The following TENT2 variants were observed in gnomAD, a reference collection of about 807,000 sequenced individuals.
TENT2 encodes poly(A) RNA polymerase GLD2.
In TENT2, 44 loss-of-function variants were observed where a neutral mutation model predicts 72.2. That is an observed-to-expected ratio of 0.61 (90% confidence interval 0.48 to 0.78). The LOEUF (loss-of-function observed/expected upper bound fraction) is 0.78, where lower values mean the gene tolerates loss of function less well. TENT2 is among the 30% of genes least tolerant of loss of function. The pLI, the probability that TENT2 is intolerant of heterozygous loss-of-function variation, is 0.00. For synonymous variants in TENT2, 212 were observed against 192.5 expected (o/e 1.10, Z -0.84); for missense variants, 541 against 569.6 (o/e 0.95, Z 0.51).
Position 79,682,048 on chromosome 5 carries a change from A to G in TENT2, c.1367A>G (p.Asp456Gly). ...HEKQKFDMIK[D>G]QFLKSWHRLK... Reference sequence around the variant, plus strand: ...AAGCAGAAATTTGATATGATCAAGGATCAATTTTTAAAGGTAAACAATGCA... The same window carrying G: ...AAGCAGAAATTTGATATGATCAAGGGTCAATTTTTAAAGGTAAACAATGCA... Residue 456 changes from aspartate to glycine, a missense_variant, in exon 14 of 15, where the codon GAT (aspartate) becomes GGT (glycine). By Grantham distance (94) the Asp-to-Gly change is moderately conservative. Coordinates refer to ENST00000453514, the MANE Select transcript of TENT2 (RefSeq NM_001114394.3). 6.2e-7 allele frequency: 1 copy of G among 1,612,452 alleles called. No individual in the cohort carries two copies. Among genetic ancestry groups the G allele is most frequent in the South Asian group, 1.1e-5 (1 of 90,836 alleles).
intron 4 of TENT2, among the ~76,000 whole-genome samples, chr5:79,640,096 A>C (rs1220845193): frequency 6.6e-6 from 1 of 152,104 alleles, no homozygotes; most frequent in Non-Finnish European, 1.5e-5. Flanking sequence ...GTCTCTACAA[A>C]GATTGAAAAA....
intron 4 of TENT2, among the ~76,000 whole-genome samples, chr5:79,629,048 C>A (rs1209071028): frequency 3.3e-5 from 5 of 152,094 alleles, no homozygotes; most frequent in Non-Finnish European, 7.3e-5. Context: ...AAAGGAAATA[C>A]ACCAGCACAG....
chr5:79,626,384 T>C (rs1319476439), intron 4 of TENT2, among the ~76,000 whole-genome samples: 1 of 150,646 alleles, frequency 6.6e-6, no homozygotes, highest in East Asian at 2.0e-4. Flanking sequence ...CTCGGCTCAC[T>C]GCAAGCTCTG....
At chr5:79,664,172 GA>G (rs1805362867) in intron 11 of TENT2, among the ~76,000 whole-genome samples, 1 of 152,090 alleles carries the variant, frequency 6.6e-6, no homozygotes, top group Non-Finnish European at 1.5e-5. Flanking sequence ...TGGAGCCCTG[GA>G]ACCAGTTGCC....
In TENT2 at chr5:79,679,693, CGT is replaced by C. The variant is rs569591068; in HGVS notation, c.1300+24_1300+25del. 103 of 1,375,102 alleles carry C rather than the reference CGT, an allele frequency of 7.5e-5. 1 individual carries two copies. In the South Asian group the frequency reaches 1.5e-3, roughly 19 times the overall value. 85.2% of individuals were successfully genotyped at this position (1,375,102 alleles called of 1,614,324 possible). A position where few individuals can be genotyped will look rare whatever the true frequency, so the allele number is the denominator to read the frequency against. ...AAGGTAGTTTTCTGTTTACCATCTA[CGT>C]ATCATCATGGTACTAAGAGAATTAC... On this transcript the variant is annotated intron_variant, in intron 13 of 14. Transcript: ENST00000453514.
chr5:79,647,876 T>A (rs558569165), intron 8 of TENT2, among the ~76,000 whole-genome samples: 26 of 152,278 alleles, frequency 1.7e-4, no homozygotes, highest in Non-Finnish European at 2.2e-4. Context: ...AAGTAATCAT[T>A]ATGTGTTTGA....
At chr5:79,645,875 T>C (rs1788487924) in intron 8 of TENT2, among the ~76,000 whole-genome samples, 1 of 152,138 alleles carries the variant, frequency 6.6e-6, no homozygotes, top group Non-Finnish European at 1.5e-5. Context: ...TTGATCCTTA[T>C]CATTCATAGT....
intron 10 of TENT2, among the ~76,000 whole-genome samples, chr5:79,652,874 T>C (rs1795219298): frequency 6.6e-6 from 1 of 152,014 alleles, no homozygotes; most frequent in South Asian, 2.1e-4. Flanking sequence ...TATGTTCAGG[T>C]GAACTCTTAA....
intron 10 of TENT2, among the ~76,000 whole-genome samples, chr5:79,649,499 A>G (rs1398129884): frequency 6.6e-6 from 1 of 151,638 alleles, no homozygotes; most frequent in Admixed American, 6.6e-5. Flanking sequence ...CAAAAGGCCT[A>G]TAAAAGTTAG....
intron 1 of TENT2, chr5:79,615,210 A>G (rs139962750): frequency 3.3e-5 from 5 of 152,336 alleles, no homozygotes; most frequent in Non-Finnish European, 5.9e-5. Flanking sequence ...TTGGTAGAGT[A>G]GTTCTGAGCC....
chr5:79,646,836 A>C (rs1182538757), intron 8 of TENT2, among the ~76,000 whole-genome samples: 1 of 150,528 alleles, frequency 6.6e-6, no homozygotes, highest in Non-Finnish European at 1.5e-5. Context: ...TGGCATGATC[A>C]TAGCTCACTG....
At chr5:79,655,033 C>T (rs924665702) in intron 10 of TENT2, among the ~76,000 whole-genome samples, 2 of 151,888 alleles carry the variant, frequency 1.3e-5, no homozygotes, top group Non-Finnish European at 2.9e-5. Flanking sequence ...TTTACTTTGC[C>T]TTTGAGAGAG....
chr5:79,627,885 A>G (rs568104931), intron 4 of TENT2, among the ~76,000 whole-genome samples: 1 of 152,336 alleles, frequency 6.6e-6, no homozygotes, highest in South Asian at 2.1e-4. Context: ...ACATTTTTTA[A>G]GAAAGCTAAC....
At chr5:79,630,620 A>G (rs1462244638) in intron 4 of TENT2, among the ~76,000 whole-genome samples, 1 of 152,090 alleles carries the variant, frequency 6.6e-6, no homozygotes, top group Non-Finnish European at 1.5e-5. Context: ...GAGAGGAAAT[A>G]GCATGTTTGA....
chr5:79,650,208 T>G (rs1460357106), intron 10 of TENT2, among the ~76,000 whole-genome samples: 1 of 152,132 alleles, frequency 6.6e-6, no homozygotes, highest in East Asian at 1.9e-4. Context: ...TATATAATAC[T>G]CATTTCTTCA....
chr5:79,662,977 G>A (rs1001411788), intron 11 of TENT2, among the ~76,000 whole-genome samples: 4 of 152,190 alleles, frequency 2.6e-5, no homozygotes, highest in Admixed American at 1.3e-4. Flanking sequence ...GTTGTTCAGT[G>A]TAGCCATGTT....
At position 79,620,029 on chromosome 5, in the gene TENT2, A is replaced by G. The variant is rs34912379; in HGVS notation, c.173A>G (p.Tyr58Cys). 3.1e-4 allele frequency: 496 copies of G among 1,612,082 alleles called. 1 individual carries two copies. The African/African-American group carries it at 6.1e-3, about 20-fold the overall frequency. The part of the protein sequence containing the change: ...SRAVSLQQLT[Y>C]GNVSPIQTSA... ...GCTGTGTCATTACAGCAGCTGACAT[A>G]TGGAAATGTCAGTCCAATACAGACC... Residue 58 changes from tyrosine (Y) to cysteine (C), a missense_variant, in exon 3 of 15, where the codon TAT (tyrosine) becomes TGT (cysteine). Coordinates refer to ENST00000453514, the MANE Select transcript of TENT2 (RefSeq NM_001114394.3).
chr5:79,674,628 C>T (rs180703230), intron 12 of TENT2, among the ~76,000 whole-genome samples: 90 of 152,158 alleles, frequency 5.9e-4, no homozygotes, highest in African/African-American at 1.9e-3. Flanking sequence ...TGATGTGTAC[C>T]GGTTACTAAG....
In TENT2 at chr5:79,636,634, A is replaced by G. The variant is rs1561493029; in HGVS notation, c.466-4217A>G. Among the ~76,000 whole-genome samples the G allele has an allele frequency of 1.3e-5, 2 of 152,174 alleles. 1 individual carries two copies. Among genetic ancestry groups the G allele is most frequent in the South Asian group, 4.1e-4 (2 of 4,834 alleles). ...TTCTTTTTCATTTCTTGTGAAACAAATATCAGATGGGCTTTTGATTTTGAT... is the reference window on the plus strand; with the variant it reads ...TTCTTTTTCATTTCTTGTGAAACAAGTATCAGATGGGCTTTTGATTTTGAT... On this transcript the variant is annotated intron_variant, in intron 4 of 14. Coordinates refer to ENST00000453514, the MANE Select transcript of TENT2 (RefSeq NM_001114394.3).
Sources: gnomAD v4.1 joint callset for allele counts (sites outside exome capture counted in the v4.1 genomes callset) on GRCh38, gnomAD v4.1.1 for gene constraint, MANE v1.5 for transcripts, NCBI Gene and HGNC (gene_info 2026-07-23, HGNC 2026-07-21) for gene names.